The following GAB2 variants were observed in gnomAD, a reference collection of about 807,000 sequenced individuals.
GAB2 encodes GRB2-associated-binding protein 2.
A neutral mutation model predicts 65.5 loss-of-function variants in GAB2; 26 were observed. That is an observed-to-expected ratio of 0.40 (90% CI 0.29 to 0.55). GAB2 has a LOEUF of 0.55. Among genes scored for constraint, GAB2 ranks in the 20% least tolerant of loss-of-function variants. The probability of loss-of-function intolerance (pLI) is 0.53; values close to 1 mark genes in which losing one functional copy is unlikely to be tolerated. For missense variants in GAB2, 884 were observed against 875.8 expected (o/e 1.01, Z -0.12); for synonymous variants, 321 against 329.6 (o/e 0.97, Z 0.28).
intron 1 of GAB2, among the ~76,000 whole-genome samples, chr11:78,395,550 T>C (rs1454117095): frequency 1.3e-5 from 2 of 152,216 alleles, no homozygotes; most frequent in African/African-American, 4.8e-5. Context: ...CAATTAGATA[T>C]ACTGAACTTT....
chr11:78,251,011 T>C (rs1043698469), intron 2 of GAB2, among the ~76,000 whole-genome samples: 2 of 151,892 alleles, frequency 1.3e-5, no homozygotes, highest in Non-Finnish European at 1.5e-5. Flanking sequence ...ACAATGCTAT[T>C]TGGGTGATAG....
intron 1 of GAB2, among the ~76,000 whole-genome samples, chr11:78,367,855 TG>T (rs1432901683): frequency 1.3e-5 from 2 of 148,300 alleles, no homozygotes; most frequent in African/African-American, 5.0e-5. Context: ...GACGGAGTCT[TG>T]CTCTTCCCCC....
At chr11:78,414,087 C>CAAAA (rs34915163) in intron 1 of GAB2, among the ~76,000 whole-genome samples, 3 of 83,282 alleles carry the variant, frequency 3.6e-5, no homozygotes, top group African/African-American at 1.1e-4. Context: ...AACTCTGTCT[C>CAAAA]AAAAAAAAAA....
chr11:78,338,362 C>A (rs1856037285), intron 1 of GAB2, among the ~76,000 whole-genome samples: 1 of 152,034 alleles, frequency 6.6e-6, no homozygotes, highest in Admixed American at 6.6e-5. Flanking sequence ...AAAGCTTTTG[C>A]TTCTCTTGCT....
Position 78,223,494 on chromosome 11 carries a change from G to C in GAB2, c.1485C>G (p.Thr495=), listed in dbSNP as rs1410727486. 1 of 1,610,332 alleles carries C rather than the reference G, an allele frequency of 6.2e-7. No homozygotes were observed. The highest frequency in any genetic ancestry group is 1.7e-5 in the Admixed American group (1 of 59,472). The change falls in exon 6 of 10, where the codon ACC becomes ACG. Residue 495 remains threonine, a synonymous_variant. Coordinates refer to ENST00000361507, the MANE Select transcript of GAB2 (RefSeq NM_080491.3). The part of the protein sequence containing the change: ...HFDSLGYPST[T]LPVHRGPSRG... Reference sequence around the variant, plus strand: ...TGCTGGGGCCTCGGTGCACAGGAAGGGTTGTTGATGGGTAGCCAAGTGAGT... The same window carrying C: ...TGCTGGGGCCTCGGTGCACAGGAAGCGTTGTTGATGGGTAGCCAAGTGAGT...
chr11:78,242,851 C>A (rs905695606), intron 3 of GAB2, among the ~76,000 whole-genome samples: 1 of 151,976 alleles, frequency 6.6e-6, no homozygotes, highest in Non-Finnish European at 1.5e-5. Flanking sequence ...CAAGAAAAAA[C>A]GGGAAAAGAT....
chr11:78,273,358 G>A (rs1303761131), intron 2 of GAB2, among the ~76,000 whole-genome samples: 1 of 152,250 alleles, frequency 6.6e-6, no homozygotes, highest in Non-Finnish European at 1.5e-5. Context: ...AAGGCCATGG[G>A]AGCCTACCTC....
chr11:78,335,111 G>A (rs1019196432), intron 1 of GAB2, among the ~76,000 whole-genome samples: 11 of 152,164 alleles, frequency 7.2e-5, no homozygotes, highest in Non-Finnish European at 1.5e-4. Flanking sequence ...CTATAGAGTT[G>A]TTTGAACTCC....
At chr11:78,403,616 C>T (rs1165125356) in intron 1 of GAB2, among the ~76,000 whole-genome samples, 5 of 152,142 alleles carry the variant, frequency 3.3e-5, no homozygotes, top group African/African-American at 1.2e-4. Context: ...AAATATGAGA[C>T]CTGAAACTAT....
chr11:78,402,763 T>C lies in GAB2; in HGVS notation c.75+14883A>G, dbSNP rs192524355. 3.3e-5 allele frequency among the ~76,000 whole-genome samples: 5 copies of C among 152,256 alleles called. No individual in the cohort carries two copies. In the East Asian group the frequency reaches 7.7e-4, roughly 23 times the overall value. The stretch of plus-strand genomic sequence containing the variant: ...ACTGCGCCCGGCCATGAGCAGACTT[T>C]TAAAAGTCACCTTTTAGAAAATTTA... On this transcript the variant is annotated intron_variant, in intron 1 of 9. Transcript: ENST00000361507.
rs749282969 is a variant in GAB2 at position 78,323,790 on chromosome 11, CTTTTTTTT to C, written c.76-42897_76-42890del. Reference sequence around the variant, plus strand: ...CTACACGTGTACCCCCTGAATCTTTCTTTTTTTTTTTTTTTTTTTTTTTTTGAGACAAA... The same window carrying C: ...CTACACGTGTACCCCCTGAATCTTTCTTTTTTTTTTTTTTTTTGAGACAAA... On this transcript the variant is annotated intron_variant, in intron 1 of 9. Coordinates refer to ENST00000361507, the MANE Select transcript of GAB2 (RefSeq NM_080491.3). Among the ~76,000 whole-genome samples, 23 of 77,262 alleles carry C rather than the reference CTTTTTTTT, an allele frequency of 3.0e-4. 1 individual carries two copies. The highest frequency in any genetic ancestry group is 7.5e-4 in the African/African-American group (15 of 20,074). The allele number at this position is 77,262 out of a possible 152,430, so 50.7% of individuals were successfully genotyped here.
chr11:78,330,615 A>G (rs1275257681), intron 1 of GAB2, among the ~76,000 whole-genome samples: 2 of 152,162 alleles, frequency 1.3e-5, no homozygotes, highest in South Asian at 2.1e-4. Flanking sequence ...ATCTGGAGAA[A>G]AGGCTTACTC....
chr11:78,303,266 G>T (rs1867083777), intron 1 of GAB2, among the ~76,000 whole-genome samples: 1 of 151,942 alleles, frequency 6.6e-6, no homozygotes, highest in Non-Finnish European at 1.5e-5. Flanking sequence ...CTACCCCAAG[G>T]TCAAAAAGAT....
intron 1 of GAB2, among the ~76,000 whole-genome samples, chr11:78,322,343 T>G (rs1015207774): frequency 4.0e-5 from 4 of 100,696 alleles, no homozygotes; most frequent in African/African-American, 1.5e-4. Flanking sequence ...GATCTCAAAC[T>G]ATAAAAATCC....
At chr11:78,344,629 T>A (rs1565167344) in intron 1 of GAB2, among the ~76,000 whole-genome samples, 1 of 152,180 alleles carries the variant, frequency 6.6e-6, no homozygotes. Flanking sequence ...ATTCTTAGAA[T>A]CAATCACAAA....
intron 3 of GAB2, 96 bp from the exon 4 acceptor site, chr11:78,227,147 G>C: frequency 1.2e-6 from 1 of 800,490 alleles, no homozygotes; most frequent in East Asian, 2.6e-5. Flanking sequence ...CTTTGGTTTA[G>C]GCATCTGTAA....
At chr11:78,417,189 G>A (rs996508932) in intron 1 of GAB2, among the ~76,000 whole-genome samples, 6 of 152,146 alleles carry the variant, frequency 3.9e-5, no homozygotes, top group East Asian at 1.9e-4. Flanking sequence ...GGGAAGGAGA[G>A]GGCGTGAGGC....
Position 78,278,267 on chromosome 11 carries a change from G to A in GAB2, c.376+2334C>T, listed in dbSNP as rs376821958. Among the ~76,000 whole-genome samples the A allele has an allele frequency of 3.3e-3, 499 of 151,722 alleles. 1 individual carries two copies. Among genetic ancestry groups the A allele is most frequent in the African/African-American group, 0.011 (475 of 41,386 alleles). On this transcript the variant is annotated intron_variant, in intron 2 of 9. Transcript: ENST00000361507. ...GTATTTGTAGTAGAGATGGGGTTTC[G>A]CCATGTTGGCCAGGCTGGTCTTGAA...
intron 2 of GAB2, among the ~76,000 whole-genome samples, chr11:78,277,623 G>A (rs552703446): frequency 3.9e-5 from 6 of 152,330 alleles, no homozygotes; most frequent in African/African-American, 7.2e-5. Context: ...GTAAAAGAAT[G>A]CCTCAAGTGG....
Sources: gnomAD v4.1 joint callset for allele counts (sites outside exome capture counted in the v4.1 genomes callset) on GRCh38, gnomAD v4.1.1 for gene constraint, MANE v1.5 for transcripts, NCBI Gene and HGNC (gene_info 2026-07-23, HGNC 2026-07-21) for gene names.